Variants in UNC13B observed in about 807,000 individuals in gnomAD.
The protein encoded by UNC13B is unc-13 homolog B.
UNC13B carries 144 observed loss-of-function variants against 211.0 expected under a neutral mutation model. That is an observed-to-expected ratio of 0.68 (90% CI 0.60 to 0.78). The LOEUF is 0.78. UNC13B is among the 30% of genes least tolerant of loss of function. UNC13B has a pLI of 0.00. For missense variants in UNC13B, 1,777 were observed against 2,002.0 expected (o/e 0.89, Z 2.14); for synonymous variants, 709 against 725.8 (o/e 0.98, Z 0.37).
intron 1 of UNC13B, 107 bp downstream of exon 1, chr9:35,162,412 G>T: frequency 7.4e-7 from 1 of 1,345,748 alleles, no homozygotes; most frequent in East Asian, 2.8e-5. Context: ...CATCCCGTCC[G>T]TGCTTTGGGG....
intron 17 of UNC13B, among the ~76,000 whole-genome samples, chr9:35,379,771 T>C (rs1037043297): frequency 2.0e-5 from 3 of 152,198 alleles, no homozygotes; most frequent in African/African-American, 7.2e-5. Context: ...TATACTGTAA[T>C]ATTTTAATGG....
At chr9:35,290,801 T>C (rs1329066698) in intron 7 of UNC13B, among the ~76,000 whole-genome samples, 1 of 152,008 alleles carries the variant, frequency 6.6e-6, no homozygotes, top group Non-Finnish European at 1.5e-5. Flanking sequence ...GAAGAAGTAA[T>C]TTTTTGTTGT....
At chr9:35,398,763 T>C in intron 32 of UNC13B, 119 bp from the exon 33 acceptor site, 4 of 1,559,014 alleles carry the variant, frequency 2.6e-6, no homozygotes, top group Non-Finnish European at 3.5e-6. Context: ...GTACTCCTGC[T>C]GACTGTCCCT....
At chr9:35,378,264 C>T (rs371007493) in intron 16 of UNC13B, 31 bp from the exon 17 acceptor site, 1 of 1,613,674 alleles carries the variant, frequency 6.2e-7, no homozygotes, top group Non-Finnish European at 8.5e-7. Context: ...CTGAACGACT[C>T]TGAAGCCTCC....
At chr9:35,243,917 G>A (rs749711022) in intron 6 of UNC13B, among the ~76,000 whole-genome samples, 21 of 152,040 alleles carry the variant, frequency 1.4e-4, no homozygotes, top group Non-Finnish European at 2.6e-4. Context: ...TAAAAAATGG[G>A]TCTGATTATA....
chr9:35,357,038 A>G (rs1329176977), intron 11 of UNC13B, among the ~76,000 whole-genome samples: 2 of 152,198 alleles, frequency 1.3e-5, no homozygotes, highest in African/African-American at 4.8e-5. Flanking sequence ...TAATGCTGCT[A>G]TGAACATTTG....
At chr9:35,363,620 T>C (rs1833575938) in intron 11 of UNC13B, among the ~76,000 whole-genome samples, 1 of 152,144 alleles carries the variant, frequency 6.6e-6, no homozygotes, top group African/African-American at 2.4e-5. Flanking sequence ...GTGACATCAA[T>C]GGGCCTTTAA....
chr9:35,400,292 G>A lies in UNC13B; in HGVS notation c.12337-4G>A. ...GCAGTCACGGGTGCTCTTTTATCTTGCAGCAATACTTCCATGCAGGAGGCA... is the reference window on the plus strand; with the variant it reads ...GCAGTCACGGGTGCTCTTTTATCTTACAGCAATACTTCCATGCAGGAGGCA... On this transcript the variant is annotated splice_region_variant and splice_polypyrimidine_tract_variant and intron_variant, in intron 36 of 39. Transcript: ENST00000635942. 6.2e-7 allele frequency: 1 copy of A among 1,613,414 alleles called. No homozygotes were observed. The highest frequency in any genetic ancestry group is 8.5e-7 in the Non-Finnish European group (1 of 1,179,596).
At chr9:35,388,960 G>C (rs1564190465) in intron 24 of UNC13B, among the ~76,000 whole-genome samples, 1 of 152,160 alleles carries the variant, frequency 6.6e-6, no homozygotes, top group African/African-American at 2.4e-5. Context: ...AAAAGGAAGA[G>C]ATGTATTTAA....
chr9:35,349,401 G>A (rs945107107), intron 11 of UNC13B, among the ~76,000 whole-genome samples: 3 of 151,938 alleles, frequency 2.0e-5, no homozygotes, highest in Non-Finnish European at 4.4e-5. Flanking sequence ...TTGTCCTTGT[G>A]GGAAGAGAGA....
Position 35,254,827 on chromosome 9 carries a change from TCTC to T in UNC13B, c.469-4163_469-4161del, listed in dbSNP as rs1210615093. On this transcript the variant is annotated intron_variant, in intron 6 of 39. Coordinates refer to ENST00000635942, the MANE Select transcript of UNC13B (RefSeq NM_001371189.2). ...TGCATCTTTAAATTACAGTTTTTATTCTCCTAGTCCTTACGCTTTTTCTAAGTG... is the reference window on the plus strand; with the variant it reads ...TGCATCTTTAAATTACAGTTTTTATTCTAGTCCTTACGCTTTTTCTAAGTG... Among the ~76,000 whole-genome samples the T allele has an allele frequency of 2.1e-5, 3 of 144,496 alleles. No individual in the cohort carries two copies. In the East Asian group the frequency reaches 5.9e-4, roughly 28 times the overall value. The allele number at this position is 144,496 out of a possible 152,430, so 94.8% of individuals were successfully genotyped here. A position where few individuals can be genotyped will look rare whatever the true frequency, so the allele number is the denominator to read the frequency against.
intron 7 of UNC13B, among the ~76,000 whole-genome samples, chr9:35,294,091 A>G (rs1437179103): frequency 6.6e-6 from 1 of 151,196 alleles, no homozygotes; most frequent in Admixed American, 6.6e-5. Context: ...ATTCTTATCT[A>G]CCAACTTGTC....
chr9:35,323,148 C>T (rs1263583460), intron 11 of UNC13B, among the ~76,000 whole-genome samples: 4 of 151,616 alleles, frequency 2.6e-5, no homozygotes, highest in Non-Finnish European at 5.9e-5. Flanking sequence ...CATGTGTGTG[C>T]CCCAAAACTT....
intron 1 of UNC13B, among the ~76,000 whole-genome samples, chr9:35,202,449 T>C (rs1194225807): frequency 1.3e-5 from 2 of 152,124 alleles, no homozygotes; most frequent in African/African-American, 4.8e-5. Flanking sequence ...GACAGTGGGG[T>C]GTTAAAGTCT....
intron 1 of UNC13B, among the ~76,000 whole-genome samples, chr9:35,187,401 A>G (rs1822420028): frequency 6.6e-6 from 1 of 152,256 alleles, no homozygotes; most frequent in African/African-American, 2.4e-5. Flanking sequence ...ATTCACAGGA[A>G]TAAGCGGGAT....
intron 1 of UNC13B, among the ~76,000 whole-genome samples, chr9:35,201,995 T>C (rs1564064273): frequency 6.6e-6 from 1 of 152,236 alleles, no homozygotes; most frequent in Non-Finnish European, 1.5e-5. Flanking sequence ...AATTTCCGTC[T>C]ACACATTGCT....
chr9:35,318,987 C>T (rs1830601035), intron 11 of UNC13B, among the ~76,000 whole-genome samples: 1 of 152,116 alleles, frequency 6.6e-6, no homozygotes, highest in Non-Finnish European at 1.5e-5. Flanking sequence ...GGAAAGATAA[C>T]AAGTGAAAGA....
intron 10 of UNC13B, 59 bp from the exon 11 acceptor site, chr9:35,313,840 G>A: frequency 7.4e-7 from 1 of 1,348,258 alleles, no homozygotes. Context: ...CTTGCCTTGA[G>A]CAGTGTCACC....
chr9:35,390,991 C>T lies in UNC13B; in HGVS notation c.11308+277C>T, dbSNP rs555625648. 2.0e-5 allele frequency among the ~76,000 whole-genome samples: 3 copies of T among 152,342 alleles called. No individual in the cohort carries two copies. The East Asian group carries it at 5.8e-4, about 29-fold the overall frequency. On this transcript the variant is annotated intron_variant, in intron 26 of 39. Coordinates refer to ENST00000635942, the MANE Select transcript of UNC13B (RefSeq NM_001371189.2). ...ACCTTCCCAGCCCAGAGATGAAATT[C>T]TCCCATGGTGGGTGTTCTTAGGTGG...
Sources: allele counts gnomAD v4.1 joint callset (sites outside exome capture counted in the v4.1 genomes callset), GRCh38; gene constraint gnomAD v4.1.1; transcripts MANE v1.5; gene names NCBI Gene and HGNC (gene_info 2026-07-23, HGNC 2026-07-21).